Variants in PSD observed in about 807,000 individuals in gnomAD.
PSD encodes PH and SEC7 domain-containing protein 1.
In PSD, 32 loss-of-function variants were observed where a neutral mutation model predicts 91.6. The observed-to-expected ratio is 0.35, with a 90% CI of 0.26 to 0.47. PSD has a LOEUF of 0.47. PSD is among the 20% of genes least tolerant of loss of function. The pLI is 1.00. For missense variants in PSD, 1,099 were observed against 1,373.9 expected (o/e 0.80, Z 3.16); for synonymous variants, 532 against 569.3 (o/e 0.93, Z 0.93).
In PSD at chr10:102,406,997, C is replaced by A. The variant is rs370962857; in HGVS notation, c.2135+226G>T. On this transcript the variant is annotated intron_variant, in intron 11 of 16. Coordinates refer to ENST00000020673, the MANE Select transcript of PSD (RefSeq NM_002779.5). Reference sequence around the variant, plus strand: ...CTTTGATGTTTCAGCACCTCTCCTCCCACCCCAACCCACTTGTCATAACAA... The same window carrying A: ...CTTTGATGTTTCAGCACCTCTCCTCACACCCCAACCCACTTGTCATAACAA... Among the ~76,000 whole-genome samples, 73 of 152,238 alleles carry A rather than the reference C, an allele frequency of 4.8e-4. 1 individual carries two copies. Among genetic ancestry groups the A allele is most frequent in the Middle Eastern group, 3.4e-3 (1 of 294 alleles).
chr10:102,403,720 A>T lies in PSD; in HGVS notation c.2844+122T>A. 7.7e-7 allele frequency: 1 copy of T among 1,291,454 alleles called. No individual in the cohort carries two copies. Among genetic ancestry groups the T allele is most frequent in the Admixed American group, 2.7e-5 (1 of 36,592 alleles). The allele number at this position is 1,291,454 out of a possible 1,614,324, so 80.0% of individuals were successfully genotyped here. On this transcript the variant is annotated intron_variant, in intron 16 of 16. Transcript: ENST00000020673. This position sits in a 1 kb window ranked among gnomAD's most constrained non-coding sequence, Gnocchi z 6.7. Reference sequence around the variant, plus strand: ...TTATCCTTGTTGCACAGAGGAGGAAACTGAGGCTTAGGTTAAGCAACCTGC... The same window carrying T: ...TTATCCTTGTTGCACAGAGGAGGAATCTGAGGCTTAGGTTAAGCAACCTGC...
Position 102,404,150 on chromosome 10 carries a change from C to A in PSD, c.2701-165G>T, listed in dbSNP as rs1309310404. ...GATCACGAGGTCAGGAGATCGAGAC[C>A]ATCCTGGCTAACACGGTGAAACCCC... On this transcript the variant is annotated intron_variant, in intron 15 of 16. Coordinates refer to ENST00000020673, the MANE Select transcript of PSD (RefSeq NM_002779.5). This position sits in a 1 kb window ranked among gnomAD's most constrained non-coding sequence, Gnocchi z 5.7. Among the ~76,000 whole-genome samples, 4 of 152,168 alleles carry A rather than the reference C, an allele frequency of 2.6e-5. No individual in the cohort carries two copies. The highest frequency in any genetic ancestry group is 5.9e-5 in the Non-Finnish European group (4 of 68,030).
At position 102,409,115 on chromosome 10, in the gene PSD, G is replaced by A. The variant is rs1684311951; in HGVS notation, c.2091+1743C>T. 3.1e-6 allele frequency: 3 copies of A among 982,136 alleles called. No homozygotes were observed. Among genetic ancestry groups the A allele is most frequent in the South Asian group, 9.4e-5 (2 of 21,290 alleles). The allele number at this position is 982,136 out of a possible 1,614,324, so 60.8% of individuals were successfully genotyped here. On this transcript the variant is annotated intron_variant, in intron 10 of 16. Coordinates refer to ENST00000020673, the MANE Select transcript of PSD (RefSeq NM_002779.5). The surrounding 1 kb of genome is among the most constrained non-coding windows in gnomAD (Gnocchi z 5.7). ...CATGCTGGCCCGGCCGGCGCGCCGC[G>A]GCCCCCGGCCATGCCCCCGTCCGCC... is the stretch of plus-strand genomic sequence containing the variant.
chr10:102,418,469 G>T (rs1275307036), intron 1 of PSD, among the ~76,000 whole-genome samples: 1 of 151,948 alleles, frequency 6.6e-6, no homozygotes, highest in Non-Finnish European at 1.5e-5. Context: ...CCCACCTACT[G>T]GGGTCTCTTG....
In PSD at chr10:102,414,904, T is replaced by G; in HGVS notation, c.1083A>C (p.Glu361Asp). 6.6e-7 allele frequency: 1 copy of G among 1,508,016 alleles called. No individual in the cohort carries two copies. The highest frequency in any genetic ancestry group is 2.3e-5 in the East Asian group (1 of 43,506). 93.4% of individuals were successfully genotyped at this position (1,508,016 alleles called of 1,614,324 possible). Reference sequence around the variant, plus strand: ...CCTCAAACACCTCGTCGTCCACATCTTCTTCCCCACCTGCCTCATCGTCGT... The same window carrying G: ...CCTCAAACACCTCGTCGTCCACATCGTCTTCCCCACCTGCCTCATCGTCGT... Reference protein sequence around the residue: ...DEDDDEAGGEEDVDDEVFEAS... With the variant: ...DEDDDEAGGEDDVDDEVFEAS... The change falls in exon 4 of 17, where the codon GAA (glutamate) becomes GAC (aspartate). Residue 361 changes from glutamate to aspartate, a missense_variant. Around this residue, in one of 3 missense-constraint regions of PSD, gnomAD observed 631 missense variants for 728.8 expected, o/e 0.87. Transcript: ENST00000020673. This position sits in a 1 kb window ranked among gnomAD's most constrained non-coding sequence, Gnocchi z 5.6.
Position 102,414,104 on chromosome 10 carries a change from G to T in PSD, c.1218C>A (p.Phe406Leu). ...ADGPDSFSCV[F>L]EAILESHRAK... ...CCCGGTGTGACTCCAGGATGGCTTC[G>T]AACACACAACTGAAAGAGTCAGGCC... Residue 406 changes from phenylalanine to leucine, a missense_variant, in exon 5 of 17, where the codon TTC becomes TTA. By Grantham distance (22) the Phe-to-Leu change is conservative. This residue lies in a region of PSD where 631 missense variants were observed against 728.8 expected (regional missense o/e 0.87). Transcript: ENST00000020673. This position sits in a 1 kb window ranked among gnomAD's most constrained non-coding sequence, Gnocchi z 5.6. 6.2e-7 allele frequency: 1 copy of T among 1,614,078 alleles called. No homozygotes were observed. Among genetic ancestry groups the T allele is most frequent in the Non-Finnish European group, 8.5e-7 (1 of 1,179,970 alleles).
rs1589886544 is a variant in PSD at position 102,409,389 on chromosome 10, C to A, written c.2091+1469G>T. The A allele has an allele frequency of 2.0e-6, 2 of 982,766 alleles. No individual in the cohort carries two copies. The highest frequency in any genetic ancestry group is 2.4e-6 in the Non-Finnish European group (2 of 827,476). The allele number at this position is 982,766 out of a possible 1,614,324, so 60.9% of individuals were successfully genotyped here. A position where few individuals can be genotyped will look rare whatever the true frequency, so the allele number is the denominator to read the frequency against. ...GATCGCGAAGGGGGCCCTCCCCGCG[C>A]GGCCACGGGGAGGAGCCTGGGGAGG... On this transcript the variant is annotated intron_variant, in intron 10 of 16. Transcript: ENST00000020673. The surrounding 1 kb of genome is among the most constrained non-coding windows in gnomAD (Gnocchi z 5.7).
At position 102,413,202 on chromosome 10, in the gene PSD, GA is replaced by G. The variant is rs1408439614; in HGVS notation, c.1553+566del. Among the ~76,000 whole-genome samples the G allele has an allele frequency of 2.0e-5, 3 of 152,268 alleles. No individual in the cohort carries two copies. The East Asian group carries it at 5.8e-4, about 29-fold the overall frequency. ...CCTGTCAGCCCAGAGACAGAGGCCG[GA>G]AACTCCTGGTTGCTAGGCAACCCGG... On this transcript the variant is annotated intron_variant, in intron 5 of 16. Transcript: ENST00000020673.
At chr10:102,406,668 C>T (rs1377949351) in intron 11 of PSD, among the ~76,000 whole-genome samples, 2 of 152,114 alleles carry the variant, frequency 1.3e-5, no homozygotes, top group East Asian at 1.9e-4. Context: ...CCACCACGCC[C>T]GGCTAATTTT....
In PSD at chr10:102,411,080, A is replaced by C; in HGVS notation, c.1979T>G (p.Leu660Arg). ...CACATGGCCGTGGAGATCCGTGTTG[A>C]GCAGCATGAGCGCACAGGTCAGCGT... ...AHTLTCALML[L>R]NTDLHGHNIG... is the part of the protein sequence containing the mutation. Residue 660 changes from leucine (L) to arginine (R), a missense_variant, in exon 9 of 17, where the codon CTC becomes CGC. By Grantham distance (102) the Leu-to-Arg change is moderately radical (BLOSUM62 -2). This residue lies in a region of PSD where 110 missense variants were observed against 218.7 expected (regional missense o/e 0.50). Coordinates refer to ENST00000020673, the MANE Select transcript of PSD (RefSeq NM_002779.5). The C allele has an allele frequency of 6.2e-7, 1 of 1,612,456 alleles. No individual in the cohort carries two copies. Among genetic ancestry groups the C allele is most frequent in the Non-Finnish European group, 8.5e-7 (1 of 1,178,878 alleles).
chr10:102,418,949 A>C, upstream of PSD: 3 of 326,358 alleles, frequency 9.2e-6, no homozygotes, highest in Non-Finnish European at 1.9e-5. Context: ...CCAACCTAAG[A>C]CCCGCCCCAG....
At position 102,404,654 on chromosome 10, in the gene PSD, G is replaced by A. The variant is rs769394915; in HGVS notation, c.2629C>T (p.Pro877Ser). 2 of 1,612,092 alleles carry A rather than the reference G, an allele frequency of 1.2e-6. No homozygotes were observed. Among genetic ancestry groups the A allele is most frequent in the South Asian group, 1.1e-5 (1 of 90,752 alleles). ...VAAMFSAPPF[P>S]AAVSSQKKFS... ...TTCTTTTGGGAGCTAACAGCAGCTG[G>A]GAAGGGGGGCGCAGAGAACATAGCG... is the stretch of plus-strand genomic sequence containing the variant. Residue 877 changes from proline to serine, a missense_variant, in exon 15 of 17, where the codon CCA becomes TCA. Transcript: ENST00000020673. The surrounding 1 kb of genome is among the most constrained non-coding windows in gnomAD (Gnocchi z 5.7).
At chr10:102,408,978 G>T (rs1182665617) in intron 10 of PSD, 2 of 987,330 alleles carry the variant, frequency 2.0e-6, no homozygotes, top group Admixed American at 6.1e-5. Flanking sequence ...GAGCGCTGCG[G>T]CCAGCCGTAG....
At position 102,417,055 on chromosome 10, in the gene PSD, A is replaced by T; in HGVS notation, c.-17T>A. On this transcript the variant is annotated 5_prime_UTR_variant, in exon 2 of 17. It removes the in-frame stop codon of an upstream open reading frame in the 5' UTR. Transcript: ENST00000020673. Reference sequence around the variant, plus strand: ...CTGGGCCATGCTGGGGCCGGGGGTCAGGCTGGGGGGGCAGGGATGGCGAGG... The same window carrying T: ...CTGGGCCATGCTGGGGCCGGGGGTCTGGCTGGGGGGGCAGGGATGGCGAGG... 2 of 1,309,626 alleles carry T rather than the reference A, an allele frequency of 1.5e-6. No homozygotes were observed. Among genetic ancestry groups the T allele is most frequent in the Non-Finnish European group, 2.0e-6 (2 of 1,010,542 alleles). 81.1% of individuals were successfully genotyped at this position (1,309,626 alleles called of 1,614,324 possible). A position where few individuals can be genotyped will look rare whatever the true frequency, so the allele number is the denominator to read the frequency against.
Position 102,411,093 on chromosome 10 carries a change from C to T in PSD, c.1966G>A (p.Ala656Thr), listed in dbSNP as rs1403505618. The change falls in exon 9 of 17, where the codon GCG (alanine) becomes ACG (threonine). Residue 656 changes from alanine (A) to threonine (T), a missense_variant. Transcript: ENST00000020673. Reference sequence around the variant, plus strand: ...AGATCCGTGTTGAGCAGCATGAGCGCACAGGTCAGCGTGTGGGCGCCGTCT... The same window carrying T: ...AGATCCGTGTTGAGCAGCATGAGCGTACAGGTCAGCGTGTGGGCGCCGTCT... ...SEDGAHTLTC[A>T]LMLLNTDLHG... 6.2e-7 allele frequency: 1 copy of T among 1,611,272 alleles called. No homozygotes were observed. Among genetic ancestry groups the T allele is most frequent in the East Asian group, 2.2e-5 (1 of 44,796 alleles).
Position 102,405,322 on chromosome 10 carries a change from G to C in PSD, c.2326+24C>G. 6.2e-7 allele frequency: 1 copy of C among 1,607,452 alleles called. No homozygotes were observed. The highest frequency in any genetic ancestry group is 2.2e-5 in the East Asian group (1 of 44,788). On this transcript the variant is annotated intron_variant, in intron 12 of 16. Transcript: ENST00000020673. This position sits in a 1 kb window ranked among gnomAD's most constrained non-coding sequence, Gnocchi z 5.4. ...ACTCCCATCCATCCCCTAGACGCCC[G>C]CCCCCCGCAACTCGGCCACATACTC...
chr10:102,418,048 TACACACACACAAACACACACACAC>T (rs1310768037), intron 1 of PSD, among the ~76,000 whole-genome samples: 1 of 110,230 alleles, frequency 9.1e-6, no homozygotes, highest in Non-Finnish European at 1.8e-5. Context: ...GACAGGCACC[TACACACACACAAACACACACACAC>T]ACACACACAC....
upstream of PSD, chr10:102,419,199 G>T: frequency 5.5e-6 from 1 of 180,286 alleles, no homozygotes; most frequent in Non-Finnish European, 1.2e-5. The surrounding 1 kb of genome is among the most constrained non-coding windows in gnomAD (Gnocchi z 4.8). Context: ...ACACGGTATG[G>T]GTGTAGACTG....
chr10:102,408,324 T>C (rs142685737), intron 10 of PSD, among the ~76,000 whole-genome samples: 2 of 152,298 alleles, frequency 1.3e-5, no homozygotes, highest in East Asian at 3.9e-4. Context: ...CCCACAGCCA[T>C]GCCCAGCCAC....
Sources: allele counts gnomAD v4.1 joint callset (sites outside exome capture counted in the v4.1 genomes callset), GRCh38; gene constraint gnomAD v4.1.1; regional missense constraint gnomAD v4.1.1; non-coding constraint Gnocchi (gnomAD v3.1); transcripts MANE v1.5; gene names NCBI Gene and HGNC (gene_info 2026-07-23, HGNC 2026-07-21).